Variants in ASB5 observed in about 807,000 individuals in gnomAD.
ASB5 encodes ankyrin repeat and SOCS box protein 5.
In ASB5, 45 loss-of-function variants were observed where a neutral mutation model predicts 42.1. The observed-to-expected ratio is 1.07, with a 90% CI of 0.84 to 1.37. The LOEUF is 1.37. Ranked by LOEUF, ASB5 falls within the 40% of genes most tolerant of loss-of-function variation. The pLI, the probability that ASB5 is intolerant of heterozygous loss-of-function variation, is 0.00. For missense variants in ASB5, 402 were observed against 399.8 expected, an observed-to-expected ratio of 1.01 and a Z score of -0.05; for synonymous variants, 147 against 150.6, an observed-to-expected ratio of 0.98 and a Z score of 0.18.
intron 1 of ASB5, among the ~76,000 whole-genome samples, chr4:176,249,136 T>C (rs1753969260): frequency 1.3e-5 from 2 of 152,094 alleles, no homozygotes; most frequent in South Asian, 4.1e-4. Flanking sequence ...CCGACTAATT[T>C]TTGTATTTTT....
At chr4:176,215,773 T>C (rs754055900) in intron 6 of ASB5, 46 bp from the exon 7 acceptor site, 7 of 1,553,324 alleles carry the variant, frequency 4.5e-6, no homozygotes, top group Non-Finnish European at 6.1e-6. Context: ...TAGAAATGAA[T>C]TTTTTATGTT....
At chr4:176,220,922 G>T (rs1172813584) in intron 5 of ASB5, among the ~76,000 whole-genome samples, 2 of 152,130 alleles carry the variant, frequency 1.3e-5, no homozygotes, top group Non-Finnish European at 2.9e-5. Context: ...GCAAAATATA[G>T]AGATTATGTA....
chr4:176,268,613 C>G (rs1176869157), intron 1 of ASB5, among the ~76,000 whole-genome samples: 1 of 151,770 alleles, frequency 6.6e-6, no homozygotes, highest in Non-Finnish European at 1.5e-5. Flanking sequence ...AAATGTTTAA[C>G]TTTTTAAAAT....
At chr4:176,215,797 C>CA (rs1174154910) in intron 6 of ASB5, 70 bp from the exon 7 acceptor site, 26 of 1,419,426 alleles carry the variant, frequency 1.8e-5, no homozygotes, top group Non-Finnish European at 2.4e-5. Context: ...AGGTACATAA[C>CA]ATAAAACCAT....
chr4:176,223,734 G>A (rs1290420205), intron 2 of ASB5, among the ~76,000 whole-genome samples: 1 of 152,142 alleles, frequency 6.6e-6, no homozygotes, highest in Non-Finnish European at 1.5e-5. Context: ...ACACTAGAGG[G>A]ACCAGATGTC....
At chr4:176,226,992 T>C (rs987590575) in intron 1 of ASB5, among the ~76,000 whole-genome samples, 3 of 152,216 alleles carry the variant, frequency 2.0e-5, no homozygotes, top group African/African-American at 7.2e-5. Context: ...GGTATCACCA[T>C]TGTGGTAAGG....
At chr4:176,272,394 A>G (rs1754485551), upstream of ASB5, among the ~76,000 whole-genome samples, 1 of 152,200 alleles carries the variant, frequency 6.6e-6, no homozygotes, top group Non-Finnish European at 1.5e-5. Flanking sequence ...GAAGAAGTTC[A>G]CTGATGACCT....
rs1200505264 is a variant in ASB5 at position 176,218,222 on chromosome 4, T to TAC, written c.671-1214_671-1213insGT. On this transcript the variant is annotated intron_variant, in intron 5 of 6. Transcript: ENST00000296525. The stretch of plus-strand genomic sequence containing the variant: ...TATAAATATATATATTTGTATGATA[T>TAC]AAATATATATATATTTGTATGATAT... Among the ~76,000 whole-genome samples the TAC allele has an allele frequency of 2.3e-3, 113 of 49,126 alleles. 20 individuals carry two copies. The highest frequency in any genetic ancestry group is 3.1e-3 in the Non-Finnish European group (77 of 25,092). The allele number at this position is 49,126 out of a possible 152,430, so 32.2% of individuals were successfully genotyped here.
At chr4:176,272,212 T>C (rs200936664), upstream of ASB5, among the ~76,000 whole-genome samples, 2 of 152,186 alleles carry the variant, frequency 1.3e-5, no homozygotes, top group East Asian at 3.9e-4. Context: ...TGAGAGTTAG[T>C]ACATTAAAAA....
At chr4:176,216,131 C>T (rs1478670030) in intron 6 of ASB5, among the ~76,000 whole-genome samples, 1 of 151,908 alleles carries the variant, frequency 6.6e-6, no homozygotes, top group African/African-American at 2.4e-5. Flanking sequence ...TTAAGAAATC[C>T]TATTTTAGAA....
intron 1 of ASB5, among the ~76,000 whole-genome samples, chr4:176,256,844 C>T (rs528908166): frequency 2.0e-5 from 3 of 152,006 alleles, no homozygotes; most frequent in South Asian, 2.1e-4. Context: ...GGGGCTGAGG[C>T]GGGAGGATTG....
chr4:176,260,578 G>A (rs565621286), intron 1 of ASB5, among the ~76,000 whole-genome samples: 1 of 152,316 alleles, frequency 6.6e-6, no homozygotes, highest in African/African-American at 2.4e-5. Context: ...CCAATGGTCT[G>A]CTTTGTAGCA....
At chr4:176,224,902 T>G (rs1753332976) in intron 2 of ASB5, among the ~76,000 whole-genome samples, 1 of 152,204 alleles carries the variant, frequency 6.6e-6, no homozygotes, top group African/African-American at 2.4e-5. Flanking sequence ...GGTGACTTCT[T>G]TTTGGATATG....
intron 1 of ASB5, among the ~76,000 whole-genome samples, chr4:176,265,141 G>A (rs192227856): frequency 1.3e-5 from 2 of 152,120 alleles, no homozygotes; most frequent in East Asian, 3.9e-4. Context: ...TCAAAGTTAA[G>A]TCTGAATTGT....
At chr4:176,220,420 C>A (rs1442016475) in intron 5 of ASB5, among the ~76,000 whole-genome samples, 4 of 152,048 alleles carry the variant, frequency 2.6e-5, no homozygotes, top group African/African-American at 9.7e-5. Context: ...GCATAGAACT[C>A]CATTTACTCA....
chr4:176,244,492 G>C (rs756136432), intron 1 of ASB5, among the ~76,000 whole-genome samples: 1 of 152,098 alleles, frequency 6.6e-6, no homozygotes, highest in South Asian at 2.1e-4. Context: ...TTAAAAACAC[G>C]ATCTCACATC....
intron 5 of ASB5, among the ~76,000 whole-genome samples, chr4:176,217,236 G>A (rs1019287677): frequency 2.6e-5 from 4 of 152,026 alleles, no homozygotes; most frequent in Non-Finnish European, 5.9e-5. Flanking sequence ...GAATGGCAGA[G>A]GGTACATACA....
At chr4:176,236,654 T>C (rs75652888) in intron 1 of ASB5, among the ~76,000 whole-genome samples, 1,580 of 152,312 alleles carry the variant, frequency 0.01, 33 homozygotes, top group African/African-American at 0.037. Context: ...AGCTATTACA[T>C]AGTAAATATA....
chr4:176,238,265 A>T (rs559269388), intron 1 of ASB5, among the ~76,000 whole-genome samples: 2 of 150,600 alleles, frequency 1.3e-5, no homozygotes, highest in Admixed American at 6.6e-5. Context: ...TCATGTTTTC[A>T]TTTTGCAAGG....
Sources: allele counts gnomAD v4.1 joint callset (sites outside exome capture counted in the v4.1 genomes callset), GRCh38; gene constraint gnomAD v4.1.1; transcripts MANE v1.5; gene names NCBI Gene and HGNC (gene_info 2026-07-23, HGNC 2026-07-21).